The following YARS1 variants were observed in gnomAD, a reference collection of about 807,000 sequenced individuals.
The protein encoded by YARS1 is tyrosine--tRNA ligase, cytoplasmic.
In YARS1, 36 loss-of-function variants were observed where a neutral mutation model predicts 62.2. That is an observed-to-expected ratio of 0.58 (90% confidence interval 0.44 to 0.76). The LOEUF is 0.76. Among genes scored for constraint, YARS1 ranks in the 30% least tolerant of loss-of-function variants. The pLI is 0.00. For synonymous variants in YARS1, 234 were observed against 244.9 expected (o/e 0.96, Z 0.42); for missense variants, 524 against 639.8 (o/e 0.82, Z 1.95).
chr1:32,780,943 G>A (rs1653033228), intron 10 of YARS1, 105 bp downstream of exon 10: 1 of 1,007,542 alleles, frequency 9.9e-7, no homozygotes. Flanking sequence ...CTTGCAATAT[G>A]ACCTCAGGAT....
At chr1:32,784,685 A>C (rs1235152198) in intron 8 of YARS1, among the ~76,000 whole-genome samples, 1 of 152,112 alleles carries the variant, frequency 6.6e-6, no homozygotes, top group Non-Finnish European at 1.5e-5. Context: ...TATTCTTTTC[A>C]TTATATATAT....
intron 8 of YARS1, chr1:32,783,267 G>T (rs1021311886): frequency 6.6e-6 from 1 of 152,394 alleles, no homozygotes; most frequent in Non-Finnish European, 1.5e-5. Flanking sequence ...AACGCTGCTC[G>T]TACATGGTAA....
Position 32,791,401 on chromosome 1 carries a change from G to A in YARS1, c.592-147C>T, listed in dbSNP as rs577820738. ...TAAATATGTAGCTTTGACAGTGACT[G>A]TAATTCAAGCGAAGTTTTTTTCCCT... On this transcript the variant is annotated intron_variant, in intron 5 of 12. Transcript: ENST00000373477. The A allele has an allele frequency of 1.1e-5, 8 of 717,256 alleles. No homozygotes were observed. In the South Asian group the frequency reaches 1.3e-4, roughly 11 times the overall value. The allele number at this position is 717,256 out of a possible 1,614,324, so 44.4% of individuals were successfully genotyped here.
intron 5 of YARS1, among the ~76,000 whole-genome samples, chr1:32,793,852 C>G (rs1653488850): frequency 6.6e-6 from 1 of 152,126 alleles, no homozygotes; most frequent in Non-Finnish European, 1.5e-5. Flanking sequence ...ATTTCATACC[C>G]AGTGAAAGAA....
At position 32,780,956 on chromosome 1, in the gene YARS1, T is replaced by G. The variant is rs1653033721; in HGVS notation, c.1140+92A>C. 2.6e-6 allele frequency: 3 copies of G among 1,151,222 alleles called. No homozygotes were observed. In the African/African-American group the frequency reaches 4.6e-5, roughly 17 times the overall value. 71.3% of individuals were successfully genotyped at this position (1,151,222 alleles called of 1,614,324 possible). A position where few individuals can be genotyped will look rare whatever the true frequency, so the allele number is the denominator to read the frequency against. On this transcript the variant is annotated intron_variant, in intron 10 of 12. Coordinates refer to ENST00000373477, the MANE Select transcript of YARS1 (RefSeq NM_003680.4). Reference sequence around the variant, plus strand: ...GACTTGCAATATGACCTCAGGATGTTACTTCCCATCTCCAGGCCACGTTTC... The same window carrying G: ...GACTTGCAATATGACCTCAGGATGTGACTTCCCATCTCCAGGCCACGTTTC...
chr1:32,786,821 A>G, intron 7 of YARS1, 119 bp downstream of exon 7: 1 of 1,328,232 alleles, frequency 7.5e-7, no homozygotes, highest in East Asian at 2.3e-5. Flanking sequence ...AAGAAATCAG[A>G]GCAGAGAATC....
chr1:32,806,462 A>C lies in YARS1; in HGVS notation c.510+20T>G. On this transcript the variant is annotated intron_variant, in intron 4 of 12. Transcript: ENST00000373477. ...CCAGAGCAGAAAAGGTCATCGGGCC[A>C]CTCCATCCCCCTTAAGTACCTGCAG... The C allele has an allele frequency of 6.2e-7, 1 of 1,613,608 alleles. No homozygotes were observed. Among genetic ancestry groups the C allele is most frequent in the Non-Finnish European group, 8.5e-7 (1 of 1,179,930 alleles).
At chr1:32,805,580 T>C (rs1379366616) in intron 4 of YARS1, among the ~76,000 whole-genome samples, 7 of 152,212 alleles carry the variant, frequency 4.6e-5, no homozygotes, top group Non-Finnish European at 2.9e-5. Context: ...CCTGGCTATT[T>C]GGTGCAAGAG....
chr1:32,812,535 G>A (rs2148617440), intron 1 of YARS1, among the ~76,000 whole-genome samples: 1 of 152,300 alleles, frequency 6.6e-6, no homozygotes, highest in South Asian at 2.1e-4. Flanking sequence ...CTCTTGTGGG[G>A]GGAAATTTGC....
rs759590543 is a variant in YARS1, at chr1:32,810,948, A to G, written c.167T>C (p.Met56Thr). The change falls in exon 2 of 13, where the codon ATG becomes ACG. Residue 56 changes from methionine (M) to threonine (T), a missense_variant. Physicochemically the swap from Met to Thr is moderately conservative, Grantham distance 81. Coordinates refer to ENST00000373477, the MANE Select transcript of YARS1 (RefSeq NM_003680.4). ...CTTTAAGAAGTCTGCAATCTTTGACATGGGCACAAAGTAAGCCACATGTGG... is the reference window on the plus strand; with the variant it reads ...CTTTAAGAAGTCTGCAATCTTTGACGTGGGCACAAAGTAAGCCACATGTGG... Reference protein sequence around the residue: ...GKPHVAYFVPMSKIADFLKAG... With the variant: ...GKPHVAYFVPTSKIADFLKAG... The G allele has an allele frequency of 6.2e-6, 10 of 1,614,046 alleles. No individual in the cohort carries two copies. Among genetic ancestry groups the G allele is most frequent in the Admixed American group, 1.7e-5 (1 of 60,000 alleles).
At chr1:32,791,977 A>G (rs1765230) in intron 5 of YARS1, among the ~76,000 whole-genome samples, 26,329 of 151,932 alleles carry the variant, frequency 0.17, 2,649 homozygotes, top group African/African-American at 0.26. Flanking sequence ...CGAAAGACTA[A>G]GCAGAGGAAA....
Position 32,776,080 on chromosome 1 carries a change from T to G in YARS1, c.1488A>C (p.Lys496Asn). 1 of 1,613,866 alleles carries G rather than the reference T, an allele frequency of 6.2e-7. No homozygotes were observed. Among genetic ancestry groups the G allele is most frequent in the East Asian group, 2.2e-5 (1 of 44,872 alleles). The change falls in exon 13 of 13, where the codon AAA becomes AAC. Residue 496 changes from lysine to asparagine, a missense_variant. Coordinates refer to ENST00000373477, the MANE Select transcript of YARS1 (RefSeq NM_003680.4). The surrounding 1 kb of genome is among the most constrained non-coding windows in gnomAD (Gnocchi z 4.0). ...ACTGTGCGATGCACTCCTCAGAAAT[T>G]TTGAAGTCAGCCTGGACAAGACAGA... ...KVFEKLQADFKISEECIAQWK... is the reference protein window; with the variant it reads ...KVFEKLQADFNISEECIAQWK...
rs548013796 is a variant in YARS1, at chr1:32,811,826, G to A, written c.58-769C>T. On this transcript the variant is annotated intron_variant, in intron 1 of 12. Coordinates refer to ENST00000373477, the MANE Select transcript of YARS1 (RefSeq NM_003680.4). Reference sequence around the variant, plus strand: ...TATCACCCTTGATGTTGGGGAGTGGGGACATGCCCCTAACTGCATCTTTGC... The same window carrying A: ...TATCACCCTTGATGTTGGGGAGTGGAGACATGCCCCTAACTGCATCTTTGC... 9.2e-5 allele frequency among the ~76,000 whole-genome samples: 14 copies of A among 151,728 alleles called. No homozygotes were observed. In the South Asian group the frequency reaches 2.9e-3, roughly 32 times the overall value.
chr1:32,804,345 G>A (rs1418315373), intron 4 of YARS1, among the ~76,000 whole-genome samples: 15 of 151,066 alleles, frequency 9.9e-5, no homozygotes, highest in African/African-American at 3.4e-4. Flanking sequence ...CCTCCCTCCC[G>A]GACGGGGTGG....
chr1:32,783,671 T>C (rs1220789093), intron 8 of YARS1: 1 of 152,224 alleles, frequency 6.6e-6, no homozygotes, highest in Non-Finnish European at 1.5e-5. Context: ...TGAGGGGACA[T>C]CCCTTAGGAA....
At chr1:32,786,297 A>G in intron 8 of YARS1, 65 bp downstream of exon 8, 1 of 1,516,366 alleles carries the variant, frequency 6.6e-7, no homozygotes, top group Non-Finnish European at 9.1e-7. Context: ...AACAAGTTCT[A>G]ACAGTCAGCA....
At chr1:32,781,243 G>A (rs1488113904) in intron 9 of YARS1, 98 bp from the exon 10 acceptor site, 2 of 1,010,188 alleles carry the variant, frequency 2.0e-6, no homozygotes, top group Non-Finnish European at 3.1e-6. Flanking sequence ...GTAAGATTTA[G>A]TGTAGAATCC....
intron 10 of YARS1, chr1:32,780,688 G>A (rs755673542): frequency 1.9e-5 from 8 of 415,018 alleles, no homozygotes; most frequent in African/African-American, 4.1e-5. Flanking sequence ...GAAAAAGGAA[G>A]TCTTCCCTCC....
At position 32,780,212 on chromosome 1, in the gene YARS1, C is replaced by T. The variant is rs745651845; in HGVS notation, c.1207G>A (p.Val403Met). 33 of 1,614,066 alleles carry T rather than the reference C, an allele frequency of 2.0e-5. No homozygotes were observed. Among genetic ancestry groups the T allele is most frequent in the Non-Finnish European group, 2.0e-5 (24 of 1,180,048 alleles). The change falls in exon 11 of 13, where the codon GTG becomes ATG. Residue 403 changes from valine (V) to methionine (M), a missense_variant. Physicochemically the swap from Val to Met is conservative, Grantham distance 21 (BLOSUM62 1). Transcript: ENST00000373477. ...DVGEAEPRTV[V>M]SGLVQFVPKE... ...GGCACGAACTGTACCAGGCCGCTCA[C>T]CACAGTCCGTGGTTCAGCTTCCCCC...
Sources: allele counts gnomAD v4.1 joint callset (sites outside exome capture counted in the v4.1 genomes callset), GRCh38; gene constraint gnomAD v4.1.1; non-coding constraint Gnocchi (gnomAD v3.1); transcripts MANE v1.5; gene names NCBI Gene and HGNC (gene_info 2026-07-23, HGNC 2026-07-21).